FHOD3: variants seen among roughly 807,000 people sequenced by gnomAD.
FHOD3 encodes FH1/FH2 domain-containing protein 3.
FHOD3 carries 90 observed loss-of-function variants against 173.0 expected under a neutral mutation model. That is an observed-to-expected ratio of 0.52 (90% CI 0.44 to 0.62). The LOEUF is 0.62. FHOD3 is among the 20% of genes least tolerant of loss of function. The pLI, the probability that FHOD3 is intolerant of heterozygous loss-of-function variation, is 0.00. For synonymous variants in FHOD3, 828 were observed against 823.0 expected (o/e 1.01, Z -0.10); for missense variants, 1,945 against 2,034.7 (o/e 0.96, Z 0.85).
At chr18:36,751,877 TG>T (rs2042417024) in intron 24 of FHOD3, among the ~76,000 whole-genome samples, 2 of 152,280 alleles carry the variant, frequency 1.3e-5, no homozygotes, top group African/African-American at 2.4e-5. Context: ...AGAGAGGGAC[TG>T]GGGAGAGGAA....
intron 17 of FHOD3, among the ~76,000 whole-genome samples, chr18:36,701,806 G>A (rs1056978835): frequency 6.6e-6 from 1 of 152,234 alleles, no homozygotes; most frequent in East Asian, 1.9e-4. Context: ...GAAGTTATGG[G>A]ATCTATAAGG....
chr18:36,472,714 G>C (rs2053352561), intron 3 of FHOD3, among the ~76,000 whole-genome samples: 1 of 152,084 alleles, frequency 6.6e-6, no homozygotes, highest in Admixed American at 6.5e-5. Context: ...TGTTTTTTCA[G>C]CTTCATCCAT....
At chr18:36,671,313 C>T (rs997331344) in intron 14 of FHOD3, among the ~76,000 whole-genome samples, 5 of 152,268 alleles carry the variant, frequency 3.3e-5, no homozygotes, top group African/African-American at 1.2e-4. Context: ...GTTCTCCAAT[C>T]AGTAAGCTAG....
At position 36,779,312 on chromosome 18, in the gene FHOD3, CA is replaced by C. The variant is rs1284977119; in HGVS notation, c.4787-135del. The C allele has an allele frequency of 4.1e-6, 3 of 724,352 alleles. No individual in the cohort carries two copies. The African/African-American group carries it at 5.3e-5, about 13-fold the overall frequency. 44.9% of individuals were successfully genotyped at this position (724,352 alleles called of 1,614,324 possible). Reference sequence around the variant, plus strand: ...GCACTTCAGCAAGAGCAGGAAGGTACAGAGTGTGAACCCTCTGGCTTCTCTG... The same window carrying C: ...GCACTTCAGCAAGAGCAGGAAGGTACGAGTGTGAACCCTCTGGCTTCTCTG... On this transcript the variant is annotated intron_variant, in intron 28 of 28. Coordinates refer to ENST00000590592, the MANE Select transcript of FHOD3 (RefSeq NM_001281740.3).
chr18:36,365,803 T>A (rs970408645), intron 2 of FHOD3, among the ~76,000 whole-genome samples: 1 of 152,190 alleles, frequency 6.6e-6, no homozygotes, highest in African/African-American at 2.4e-5. Flanking sequence ...GGACACTAGC[T>A]GAGCGGAAGT....
At chr18:36,602,293 C>G (rs2031495968) in intron 7 of FHOD3, among the ~76,000 whole-genome samples, 1 of 152,212 alleles carries the variant, frequency 6.6e-6, no homozygotes, top group Admixed American at 6.5e-5. Flanking sequence ...ATCCCCTTTT[C>G]TTCTGTGCTG....
chr18:36,487,363 C>T (rs2054245537), intron 3 of FHOD3, among the ~76,000 whole-genome samples: 4 of 152,102 alleles, frequency 2.6e-5, no homozygotes, highest in Admixed American at 2.6e-4. Context: ...CAAAACGTAG[C>T]CAAGAGATAT....
intron 2 of FHOD3, among the ~76,000 whole-genome samples, chr18:36,366,194 CAA>C (rs2145955999): frequency 6.6e-6 from 1 of 152,116 alleles, no homozygotes; most frequent in South Asian, 2.1e-4. Flanking sequence ...CAAATAGTAA[CAA>C]ATGGATTATT....
intron 1 of FHOD3, among the ~76,000 whole-genome samples, chr18:36,337,237 T>C (rs1421755713): frequency 6.6e-6 from 1 of 152,024 alleles, no homozygotes; most frequent in Non-Finnish European, 1.5e-5. Flanking sequence ...ACAAATGAGC[T>C]AACTTGGAAC....
chr18:36,419,647 A>G (rs2049881915), intron 3 of FHOD3, among the ~76,000 whole-genome samples: 1 of 152,152 alleles, frequency 6.6e-6, no homozygotes, highest in African/African-American at 2.4e-5. Context: ...CTGGGTTGGG[A>G]CTAACCCATG....
At chr18:36,518,816 G>A (rs1217049965) in intron 5 of FHOD3, among the ~76,000 whole-genome samples, 1 of 152,174 alleles carries the variant, frequency 6.6e-6, no homozygotes, top group African/African-American at 2.4e-5. Flanking sequence ...TCTTCCTCCT[G>A]TAGTTGAAAC....
chr18:36,542,480 A>G lies in FHOD3; in HGVS notation c.511+29937A>G, dbSNP rs541997139. On this transcript the variant is annotated intron_variant, in intron 5 of 28. Transcript: ENST00000590592. ...AAAAAATTAAAGGAAAGGCCACTCA[A>G]TTTCATTGAGTATTCTGTATTAGGT... Among the ~76,000 whole-genome samples, 57 of 152,344 alleles carry G rather than the reference A, an allele frequency of 3.7e-4. 1 individual carries two copies. Among genetic ancestry groups the G allele is most frequent in the African/African-American group, 1.3e-3 (53 of 41,580 alleles).
chr18:36,632,356 T>C (rs1026173875), intron 10 of FHOD3, among the ~76,000 whole-genome samples: 1 of 152,244 alleles, frequency 6.6e-6, no homozygotes, highest in Admixed American at 6.5e-5. Context: ...TTCCTTTTCT[T>C]AGTGTTGCCT....
In FHOD3 at chr18:36,591,261, G is replaced by A. The variant is rs557790523; in HGVS notation, c.607-3526G>A. Among the ~76,000 whole-genome samples, 217 of 152,296 alleles carry A rather than the reference G, an allele frequency of 1.4e-3. 1 individual carries two copies. Among genetic ancestry groups the A allele is most frequent in the South Asian group, 0.012 (57 of 4,828 alleles). The stretch of plus-strand genomic sequence containing the variant: ...CAAGTTATGAGGGCAGATACTCTCC[G>A]AAGAGTTCCCAGCACTCTAAAGTAC... On this transcript the variant is annotated intron_variant, in intron 6 of 28. Coordinates refer to ENST00000590592, the MANE Select transcript of FHOD3 (RefSeq NM_001281740.3).
intron 14 of FHOD3, among the ~76,000 whole-genome samples, chr18:36,661,107 G>A (rs2036765047): frequency 6.6e-6 from 1 of 150,842 alleles, no homozygotes; most frequent in African/African-American, 2.5e-5. Flanking sequence ...CTTTACTTAT[G>A]TTTTGTAAGT....
In FHOD3 at chr18:36,652,738, A is replaced by C. The variant is rs1039031060; in HGVS notation, c.1455A>C (p.Pro485=). 2.0e-6 allele frequency: 3 copies of C among 1,535,704 alleles called. No individual in the cohort carries two copies. The highest frequency in any genetic ancestry group is 2.6e-6 in the Non-Finnish European group (3 of 1,146,666). Reference sequence around the variant, plus strand: ...GGTCCTCTGGGTCTGAGGCCACCCCATCTGCCCTCCTGTCACCCCCTGCCT... The same window carrying C: ...GGTCCTCTGGGTCTGAGGCCACCCCCTCTGCCCTCCTGTCACCCCCTGCCT... ...HSGSSGSEAT[P]SALLSPPASA... The change falls in exon 12 of 29, where the codon CCA becomes CCC. Residue 485 remains proline (P), a synonymous_variant. Coordinates refer to ENST00000590592, the MANE Select transcript of FHOD3 (RefSeq NM_001281740.3).
chr18:36,644,628 C>T (rs2149025194), intron 10 of FHOD3, among the ~76,000 whole-genome samples: 1 of 152,236 alleles, frequency 6.6e-6, no homozygotes, highest in East Asian at 1.9e-4. Context: ...GATGTTGAGC[C>T]CAAAGAGAAG....
intron 5 of FHOD3, among the ~76,000 whole-genome samples, chr18:36,516,074 T>C (rs1022336420): frequency 6.6e-6 from 1 of 152,248 alleles, no homozygotes; most frequent in African/African-American, 2.4e-5. Flanking sequence ...AGTTCATACA[T>C]GGAGTCACTC....
At chr18:36,627,970 C>T (rs564830383) in intron 10 of FHOD3, among the ~76,000 whole-genome samples, 12 of 152,196 alleles carry the variant, frequency 7.9e-5, no homozygotes, top group Non-Finnish European at 1.2e-4. Context: ...CCGCACCTAA[C>T]GCTAGCTTAT....
Sources: allele counts gnomAD v4.1 joint callset (sites outside exome capture counted in the v4.1 genomes callset), GRCh38; gene constraint gnomAD v4.1.1; transcripts MANE v1.5; gene names NCBI Gene and HGNC (gene_info 2026-07-23, HGNC 2026-07-21).